Variants in EYA1 observed in about 807,000 individuals in gnomAD.
EYA1 encodes EYA transcriptional coactivator and phosphatase 1, also known as protein phosphatase EYA1.
A neutral mutation model predicts 82.0 loss-of-function variants in EYA1; 16 were observed. The observed-to-expected ratio is 0.20, with a 90% CI of 0.13 to 0.30. The LOEUF is 0.30. Among genes scored for constraint, EYA1 ranks in the 10% least tolerant of loss-of-function variants. EYA1 has a pLI of 1.00. For missense variants in EYA1, 633 were observed against 730.7 expected (o/e 0.87, Z 1.54); for synonymous variants, 261 against 264.4 (o/e 0.99, Z 0.12).
intron 11 of EYA1, 148 bp from the exon 12 acceptor site, chr8:71,244,840 C>T: frequency 3.3e-6 from 2 of 606,694 alleles, no homozygotes; most frequent in South Asian, 4.1e-5. Context: ...TTTTAGTGTG[C>T]ATGACTTATT....
At chr8:71,442,614 T>C (rs771843439) in intron 2 of EYA1, among the ~76,000 whole-genome samples, 1 of 152,196 alleles carries the variant, frequency 6.6e-6, no homozygotes, top group Non-Finnish European at 1.5e-5. Context: ...ATTTGCAGAT[T>C]CTCAATTTAT....
intron 12 of EYA1, among the ~76,000 whole-genome samples, chr8:71,242,374 C>G (rs1309599682): frequency 6.6e-6 from 1 of 152,074 alleles, no homozygotes; most frequent in East Asian, 1.9e-4. Flanking sequence ...TGTAAGGCTA[C>G]AAGCTTAAAC....
chr8:71,355,926 G>C (rs1283563882), intron 2 of EYA1, among the ~76,000 whole-genome samples: 1 of 151,294 alleles, frequency 6.6e-6, no homozygotes, highest in South Asian at 2.2e-4. Flanking sequence ...TTTCTTAAAA[G>C]TTTAGGGCCC....
At chr8:71,255,807 T>G (rs941012512) in intron 11 of EYA1, among the ~76,000 whole-genome samples, 3 of 152,024 alleles carry the variant, frequency 2.0e-5, no homozygotes, top group African/African-American at 7.2e-5. Flanking sequence ...GAGAAAATAT[T>G]TGAAAATCAT....
chr8:71,473,692 A>T (rs1261524894), intron 2 of EYA1, among the ~76,000 whole-genome samples: 1 of 152,190 alleles, frequency 6.6e-6, no homozygotes, highest in Non-Finnish European at 1.5e-5. Flanking sequence ...CATCAATCCC[A>T]TTACTGGGCA....
intron 9 of EYA1, among the ~76,000 whole-genome samples, chr8:71,294,626 A>G (rs1819402312): frequency 6.6e-6 from 1 of 152,246 alleles, no homozygotes; most frequent in Non-Finnish European, 1.5e-5. Context: ...TTCCATGCAT[A>G]TGGATAGATT....
chr8:71,334,105 G>A lies in EYA1; in HGVS notation c.194C>T (p.Ser65Leu), dbSNP rs1389200174. Residue 65 changes from serine to leucine, a missense_variant, in exon 4 of 18, where the codon TCA (serine) becomes TTA (leucine). Physicochemically the swap from Ser to Leu is moderately radical, Grantham distance 145. Coordinates refer to ENST00000340726, the MANE Select transcript of EYA1 (RefSeq NM_000503.6). ...TTADGSLNNF[S>L]GSAIGSSSFS... ...TAATATTTATTCCTTACCTGAACCT[G>A]AGAAATTGTTTAAAGACCCGTCGGC... 1.2e-6 allele frequency: 2 copies of A among 1,612,356 alleles called. No individual in the cohort carries two copies. The highest frequency in any genetic ancestry group is 1.7e-6 in the Non-Finnish European group (2 of 1,178,646).
chr8:71,316,701 C>T (rs1474823787), intron 7 of EYA1, among the ~76,000 whole-genome samples: 1 of 151,980 alleles, frequency 6.6e-6, no homozygotes, highest in Non-Finnish European at 1.5e-5. Flanking sequence ...AAAAAGAACC[C>T]CTTCAATCAA....
At chr8:71,350,443 T>C (rs754973325) in intron 3 of EYA1, among the ~76,000 whole-genome samples, 14 of 152,312 alleles carry the variant, frequency 9.2e-5, no homozygotes, top group Middle Eastern at 3.4e-3. Flanking sequence ...TCCTAAAATA[T>C]GTAATACACA....
chr8:71,446,328 C>T (rs1234197059), intron 2 of EYA1, among the ~76,000 whole-genome samples: 6 of 151,960 alleles, frequency 3.9e-5, no homozygotes, highest in Admixed American at 2.0e-4. Context: ...GCTCATGAGA[C>T]CTGATGGTTT....
chr8:71,307,164 A>G (rs1820819011), intron 7 of EYA1, among the ~76,000 whole-genome samples: 2 of 152,308 alleles, frequency 1.3e-5, no homozygotes, highest in South Asian at 2.1e-4. Flanking sequence ...ATTTTAAGAG[A>G]GAAAAGAAGG....
intron 2 of EYA1, among the ~76,000 whole-genome samples, chr8:71,437,255 G>A (rs13274765): frequency 0.72 from 109,617 of 151,664 alleles, 40,898 homozygotes; most frequent in African/African-American, 0.83. Context: ...CAACAGTTTC[G>A]TTCTTGGCAC....
intron 2 of EYA1, among the ~76,000 whole-genome samples, chr8:71,527,238 C>G (rs547791582): frequency 6.6e-6 from 1 of 152,284 alleles, no homozygotes; most frequent in Admixed American, 6.5e-5. Context: ...GATCACCAAA[C>G]TGAGTACTTG....
At chr8:71,492,173 T>TA (rs1330405634) in intron 2 of EYA1, among the ~76,000 whole-genome samples, 1 of 152,102 alleles carries the variant, frequency 6.6e-6, no homozygotes, top group Non-Finnish European at 1.5e-5. Flanking sequence ...AAGGGGGCCC[T>TA]AAAAATGGGC....
chr8:71,274,885 C>A lies in EYA1; in HGVS notation c.827-2988G>T, dbSNP rs532303601. ...AAGTGGGAGAGAGAGAGAGAGTGAGCGAGCGAGAGAGAGAGAGTGAGCGAG... is the reference window on the plus strand; with the variant it reads ...AAGTGGGAGAGAGAGAGAGAGTGAGAGAGCGAGAGAGAGAGAGTGAGCGAG... On this transcript the variant is annotated intron_variant, in intron 9 of 17. Transcript: ENST00000340726. Among the ~76,000 whole-genome samples, 248 of 147,456 alleles carry A rather than the reference C, an allele frequency of 1.7e-3. 1 individual carries two copies. Among genetic ancestry groups the A allele is most frequent in the African/African-American group, 5.4e-3 (206 of 38,282 alleles).
chr8:71,216,892 A>G (rs1388825691), intron 13 of EYA1, 40 bp from the exon 14 acceptor site: 4 of 1,613,438 alleles, frequency 2.5e-6, no homozygotes, highest in Non-Finnish European at 2.5e-6. Context: ...AGCCGAACAG[A>G]AAGTCCATCT....
In EYA1 at chr8:71,298,882, A is replaced by G. The variant is rs1429186096; in HGVS notation, c.826+165T>C. 2.6e-5 allele frequency among the ~76,000 whole-genome samples: 4 copies of G among 152,360 alleles called. No individual in the cohort carries two copies. In the South Asian group the frequency reaches 6.2e-4, roughly 24 times the overall value. On this transcript the variant is annotated intron_variant, in intron 9 of 17. Coordinates refer to ENST00000340726, the MANE Select transcript of EYA1 (RefSeq NM_000503.6). ...ATTTTAAAATTTCAAGCAAATAAAA[A>G]AATAAATAAAAATGAATGCCACAGT... is the stretch of plus-strand genomic sequence containing the variant.
At chr8:71,214,873 A>G (rs184690822) in intron 16 of EYA1, among the ~76,000 whole-genome samples, 2 of 152,222 alleles carry the variant, frequency 1.3e-5, no homozygotes, top group African/African-American at 4.8e-5. Context: ...ATTCTAACTA[A>G]ATTTCATAAG....
intron 2 of EYA1, among the ~76,000 whole-genome samples, chr8:71,503,959 T>A (rs56810884): frequency 3.3e-5 from 5 of 152,178 alleles, no homozygotes; most frequent in African/African-American, 1.2e-4. Context: ...TGGGGGGTGG[T>A]CCCAATATCA....
Sources: allele counts gnomAD v4.1 joint callset (sites outside exome capture counted in the v4.1 genomes callset), GRCh38; gene constraint gnomAD v4.1.1; transcripts MANE v1.5; gene names NCBI Gene and HGNC (gene_info 2026-07-23, HGNC 2026-07-21).